XRRA1: variants seen among roughly 807,000 people sequenced by gnomAD.
XRRA1 encodes the protein X-ray radiation resistance-associated protein 1.
XRRA1 carries 69 observed loss-of-function variants against 80.2 expected under a neutral mutation model. The ratio of observed to expected loss-of-function variants is 0.86; its 90% CI spans 0.71 to 1.05. The LOEUF (loss-of-function observed/expected upper bound fraction) is 1.05. XRRA1 is among the 50% of genes least tolerant of loss of function. The pLI is 0.00. For missense variants in XRRA1, 967 were observed against 976.4 expected, an observed-to-expected ratio of 0.99 and a Z score of 0.13; for synonymous variants, 348 against 389.9, an observed-to-expected ratio of 0.89 and a Z score of 1.27.
chr11:74,865,426 G>C (rs1056433816), intron 10 of XRRA1, among the ~76,000 whole-genome samples: 1 of 152,042 alleles, frequency 6.6e-6, no homozygotes, highest in African/African-American at 2.4e-5. Context: ...TCCCAAGGGG[G>C]CCTATGGTCA....
intron 4 of XRRA1, among the ~76,000 whole-genome samples, chr11:74,936,175 AC>A (rs1433123572): frequency 6.6e-6 from 1 of 152,278 alleles, no homozygotes; most frequent in Non-Finnish European, 1.5e-5. Context: ...ATATTGATTT[AC>A]AAAATGCATC....
chr11:74,842,063 A>G lies in XRRA1; in HGVS notation c.*1137T>C, dbSNP rs1184724491. 6.6e-6 allele frequency: 1 copy of G among 151,808 alleles called. No homozygotes were observed. The highest frequency in any genetic ancestry group is 2.1e-4 in the South Asian group (1 of 4,802). 9.4% of individuals were successfully genotyped at this position (151,808 alleles called of 1,614,324 possible). On this transcript the variant is annotated 3_prime_UTR_variant, in exon 19 of 19. Transcript: ENST00000684022. Reference sequence around the variant, plus strand: ...TTTACTCTCAACTCTTTGTACAAATATTATTGTCCTAAGGGCCTTTTCCCC... The same window carrying G: ...TTTACTCTCAACTCTTTGTACAAATGTTATTGTCCTAAGGGCCTTTTCCCC...
At chr11:74,885,319 G>GAGAT (rs949188160) in intron 10 of XRRA1, among the ~76,000 whole-genome samples, 1 of 152,040 alleles carries the variant, frequency 6.6e-6, no homozygotes, top group Non-Finnish European at 1.5e-5. Flanking sequence ...AAAAGTTAAT[G>GAGAT]AGATAGAGAC....
At chr11:74,874,801 C>A (rs1300654112) in intron 10 of XRRA1, among the ~76,000 whole-genome samples, 1 of 152,138 alleles carries the variant, frequency 6.6e-6, no homozygotes, top group Non-Finnish European at 1.5e-5. Context: ...CAGACCTATG[C>A]AGCCAGGGAA....
chr11:74,906,846 A>C, intron 9 of XRRA1: 1 of 399,138 alleles, frequency 2.5e-6, no homozygotes, highest in Non-Finnish European at 4.4e-6. Context: ...ATTTTAAAAA[A>C]TTTTCCTGTC....
intron 11 of XRRA1, among the ~76,000 whole-genome samples, chr11:74,860,687 C>A (rs868142514): frequency 1.1e-4 from 16 of 152,344 alleles, no homozygotes; most frequent in African/African-American, 3.6e-4. Context: ...CACATACATG[C>A]CCTTTTGCAG....
At chr11:74,873,423 T>A (rs1370194042) in intron 10 of XRRA1, among the ~76,000 whole-genome samples, 1 of 152,232 alleles carries the variant, frequency 6.6e-6, no homozygotes, top group Non-Finnish European at 1.5e-5. Flanking sequence ...AATGGTTCAG[T>A]CCTAGATCTA....
intron 15 of XRRA1, among the ~76,000 whole-genome samples, chr11:74,847,061 T>C (rs2038428447): frequency 6.6e-6 from 1 of 152,170 alleles, no homozygotes. Flanking sequence ...GTGACAGAAT[T>C]ACCCTTGTAC....
intron 8 of XRRA1, among the ~76,000 whole-genome samples, chr11:74,917,886 C>T (rs565563650): frequency 4.3e-4 from 66 of 151,912 alleles, no homozygotes; most frequent in African/African-American, 1.5e-3. Context: ...TTCACTGAAC[C>T]AACAGTCAGA....
chr11:74,853,227 A>G (rs2040315728), intron 12 of XRRA1, among the ~76,000 whole-genome samples: 1 of 152,218 alleles, frequency 6.6e-6, no homozygotes, highest in African/African-American at 2.4e-5. Context: ...TGACCTAGTC[A>G]GAGAGGTAAA....
At chr11:74,844,366 C>G in intron 16 of XRRA1, 83 bp from the exon 17 acceptor site, 3 of 945,390 alleles carry the variant, frequency 3.2e-6, no homozygotes, top group Non-Finnish European at 5.0e-6. Flanking sequence ...ATTCCTCAGT[C>G]TCACAGCAGC....
chr11:74,905,517 GGAAA>G, intron 10 of XRRA1, among the ~76,000 whole-genome samples: 1 of 152,154 alleles, frequency 6.6e-6, no homozygotes, highest in Non-Finnish European at 1.5e-5. Flanking sequence ...AGCTGGAAGA[GGAAA>G]AAGGGGCTTA....
At chr11:74,854,911 G>A (rs917093060) in intron 12 of XRRA1, among the ~76,000 whole-genome samples, 1 of 152,054 alleles carries the variant, frequency 6.6e-6, no homozygotes, top group Non-Finnish European at 1.5e-5. Flanking sequence ...TCAGCTGAGT[G>A]TGCTGGCGGG....
intron 10 of XRRA1, among the ~76,000 whole-genome samples, chr11:74,866,654 TAA>T (rs57326749): frequency 0.026 from 3,501 of 135,402 alleles, 149 homozygotes; most frequent in African/African-American, 0.09. Context: ...TTGAAATAAT[TAA>T]AAAAAAAAAA....
At chr11:74,924,024 G>T (rs1230354307) in intron 7 of XRRA1, among the ~76,000 whole-genome samples, 2 of 151,234 alleles carry the variant, frequency 1.3e-5, no homozygotes, top group Non-Finnish European at 2.9e-5. Context: ...TTTTATTTTT[G>T]TAGAGACACG....
intron 7 of XRRA1, among the ~76,000 whole-genome samples, chr11:74,925,441 A>C (rs1238154947): frequency 1.3e-5 from 2 of 152,228 alleles, no homozygotes; most frequent in East Asian, 3.8e-4. Flanking sequence ...ATCAAGTTTT[A>C]TTACACATCA....
At position 74,843,850 on chromosome 11, in the gene XRRA1, G is replaced by A. The variant is rs987511450; in HGVS notation, c.2149+4C>T. The A allele has an allele frequency of 3.7e-6, 6 of 1,604,028 alleles. No individual in the cohort carries two copies. The highest frequency in any genetic ancestry group is 5.1e-6 in the Non-Finnish European group (6 of 1,174,636). On this transcript the variant is annotated splice_donor_region_variant and intron_variant, in intron 18 of 18. Coordinates refer to ENST00000684022, the MANE Select transcript of XRRA1 (RefSeq NM_001378157.1). ...GGATCCTGGCAGCTGTGGCAGAGCC[G>A]TACCTAGTGGAGCCTCTGTAATGTT... is the stretch of plus-strand genomic sequence containing the variant.
chr11:74,907,303 C>A, intron 8 of XRRA1, 30 bp from the exon 9 acceptor site: 1 of 1,612,440 alleles, frequency 6.2e-7, no homozygotes, highest in Admixed American at 1.7e-5. Flanking sequence ...GGGTAATGAG[C>A]AAGGTCGAGG....
intron 10 of XRRA1, among the ~76,000 whole-genome samples, chr11:74,874,233 C>CAAA (rs367875228): frequency 0.013 from 638 of 48,382 alleles, 14 homozygotes; most frequent in Non-Finnish European, 0.016. Flanking sequence ...GACTCCGTCT[C>CAAA]AAAAAAAAAA....
Sources: allele counts gnomAD v4.1 joint callset (sites outside exome capture counted in the v4.1 genomes callset), GRCh38; gene constraint gnomAD v4.1.1; transcripts MANE v1.5; gene names NCBI Gene and HGNC (gene_info 2026-07-23, HGNC 2026-07-21).